The following PDE5A variants were observed in gnomAD, a reference collection of about 807,000 sequenced individuals.
PDE5A encodes cGMP-specific 3',5'-cyclic phosphodiesterase.
In PDE5A, 67 loss-of-function variants were observed where a neutral mutation model predicts 110.2. The ratio of observed to expected loss-of-function variants is 0.61; its 90% confidence interval spans 0.50 to 0.75. PDE5A has a LOEUF of 0.75. PDE5A is among the 30% of genes least tolerant of loss of function. The pLI is 0.00. For missense variants in PDE5A, 862 were observed against 1,045.1 expected, an observed-to-expected ratio of 0.82 and a Z score of 2.42; for synonymous variants, 328 against 351.2, an observed-to-expected ratio of 0.93 and a Z score of 0.74.
In PDE5A at chr4:119,551,322, G is replaced by A. The variant is rs543938019; in HGVS notation, c.1396+1228C>T. The stretch of plus-strand genomic sequence containing the variant: ...GTCAGGGCAACCAGTATATTTGAGA[G>A]GACATGAATAATGCATTCTCTTCCC... On this transcript the variant is annotated intron_variant, in intron 9 of 20. Transcript: ENST00000354960. 3.9e-5 allele frequency among the ~76,000 whole-genome samples: 6 copies of A among 152,272 alleles called. No homozygotes were observed. In the South Asian group the frequency reaches 1.2e-3, roughly 32 times the overall value.
intron 3 of PDE5A, among the ~76,000 whole-genome samples, chr4:119,568,115 C>T (rs1207404429): frequency 6.6e-6 from 1 of 151,674 alleles, no homozygotes; most frequent in African/African-American, 2.4e-5. Context: ...GTTTTCTAGT[C>T]TTCTTAACAT....
intron 3 of PDE5A, among the ~76,000 whole-genome samples, chr4:119,588,084 G>A (rs898420071): frequency 8.6e-5 from 13 of 151,924 alleles, no homozygotes; most frequent in African/African-American, 3.1e-4. Flanking sequence ...CTTGTGTGTT[G>A]AATATTGGAC....
chr4:119,575,920 G>T (rs1252425644), intron 3 of PDE5A, among the ~76,000 whole-genome samples: 3 of 152,316 alleles, frequency 2.0e-5, no homozygotes, highest in Non-Finnish European at 2.9e-5. Context: ...AGACCCATCA[G>T]TGTGCTGTAT....
intron 1 of PDE5A, among the ~76,000 whole-genome samples, chr4:119,622,637 G>A (rs1357776502): frequency 6.6e-6 from 1 of 152,024 alleles, no homozygotes; most frequent in Non-Finnish European, 1.5e-5. Flanking sequence ...ACTTTGAGAG[G>A]CCGAGGTGGG....
rs1725128861 is a variant in PDE5A, at chr4:119,497,742, A to G, written c.*859T>C. The stretch of plus-strand genomic sequence containing the variant: ...TGCTACAATTGTCACTTTTATTTTG[A>G]AAAGGAAGCTCAGAAGGAAAAAAAC... On this transcript the variant is annotated 3_prime_UTR_variant, in exon 21 of 21. Transcript: ENST00000354960. The G allele has an allele frequency of 6.6e-6, 1 of 152,168 alleles. No individual in the cohort carries two copies. Among genetic ancestry groups the G allele is most frequent in the African/African-American group, 2.4e-5 (1 of 41,452 alleles). 9.4% of individuals were successfully genotyped at this position (152,168 alleles called of 1,614,324 possible).
chr4:119,576,827 T>G (rs1333858513), intron 3 of PDE5A, among the ~76,000 whole-genome samples: 1 of 151,680 alleles, frequency 6.6e-6, no homozygotes, highest in Non-Finnish European at 1.5e-5. Flanking sequence ...AGGCAAGAAA[T>G]AACTAAAATC....
rs201241993 is a variant in PDE5A, at chr4:119,596,599, T to C, written c.755A>G (p.Asn252Ser). Residue 252 changes from asparagine (N) to serine (S), a missense_variant, in exon 3 of 21, where the codon AAT (asparagine) becomes AGT (serine). By Grantham distance (46) the Asn-to-Ser change is conservative (BLOSUM62 1). Coordinates refer to ENST00000354960, the MANE Select transcript of PDE5A (RefSeq NM_001083.4). ...GCCTGTAATTTGGTCAACTTCTGCA[T>C]TGAACCGAGGATCCTAGTATGGAAA... is the stretch of plus-strand genomic sequence containing the variant. The part of the protein sequence containing the change: ...IKDAYEDPRF[N>S]AEVDQITGYK... 7 of 1,585,820 alleles carry C rather than the reference T, an allele frequency of 4.4e-6. No homozygotes were observed. The South Asian group carries it at 8.1e-5, about 18-fold the overall frequency.
chr4:119,553,593 G>A lies in PDE5A; in HGVS notation c.1308+45C>T, dbSNP rs189520684. On this transcript the variant is annotated intron_variant, in intron 8 of 20. Transcript: ENST00000354960. Reference sequence around the variant, plus strand: ...GAATAACTGTAAGTACAGATGTGATGGGAAAACAGCCTTCTAGCTTCAAGT... The same window carrying A: ...GAATAACTGTAAGTACAGATGTGATAGGAAAACAGCCTTCTAGCTTCAAGT... 700 of 926,278 alleles carry A rather than the reference G, an allele frequency of 7.6e-4. 2 individuals carry two copies. In the African/African-American group the frequency reaches 9.9e-3, roughly 13 times the overall value. 57.4% of individuals were successfully genotyped at this position (926,278 alleles called of 1,614,324 possible).
rs2110573756 is a variant in PDE5A, at chr4:119,627,467, G to A, written c.152+1053C>T. ...ACTGCCGGGCGTGTGTCACCCTCCCGGCCAAGACGGCCAGCACCCGCTGCC... is the reference window on the plus strand; with the variant it reads ...ACTGCCGGGCGTGTGTCACCCTCCCAGCCAAGACGGCCAGCACCCGCTGCC... On this transcript the variant is annotated intron_variant, in intron 1 of 20. Coordinates refer to ENST00000354960, the MANE Select transcript of PDE5A (RefSeq NM_001083.4). This position sits in a 1 kb window ranked among gnomAD's most constrained non-coding sequence, Gnocchi z 4.6. 5.1e-6 allele frequency: 1 copy of A among 195,240 alleles called. No individual in the cohort carries two copies. Among genetic ancestry groups the A allele is most frequent in the Non-Finnish European group, 9.3e-6 (1 of 107,370 alleles). 12.1% of individuals were successfully genotyped at this position (195,240 alleles called of 1,614,324 possible).
chr4:119,504,276 A>G lies in PDE5A; in HGVS notation c.2331+260T>C, dbSNP rs116088787. Among the ~76,000 whole-genome samples, 1,161 of 152,256 alleles carry G rather than the reference A, an allele frequency of 7.6e-3. 11 individuals carry two copies. Among genetic ancestry groups the G allele is most frequent in the African/African-American group, 0.026 (1,091 of 41,560 alleles). On this transcript the variant is annotated intron_variant, in intron 18 of 20. Coordinates refer to ENST00000354960, the MANE Select transcript of PDE5A (RefSeq NM_001083.4). ...CTCCAATCATGTTGCTGCAAAGGAC[A>G]TGACTTGATTCTTTTTATGCCTGCA...
rs1213973916 is a variant in PDE5A at position 119,627,298 on chromosome 4, G to C, written c.152+1222C>G. On this transcript the variant is annotated intron_variant, in intron 1 of 20. Transcript: ENST00000354960. The surrounding 1 kb of genome is among the most constrained non-coding windows in gnomAD (Gnocchi z 4.6). ...GGCGACTCAGAACCAGCTCCCTCAC[G>C]GCCCCGGCCTCCGCGCCGCCGCCCG... 12 of 1,332,412 alleles carry C rather than the reference G, an allele frequency of 9.0e-6. No homozygotes were observed. The Admixed American group carries it at 2.9e-4, about 32-fold the overall frequency. The allele number at this position is 1,332,412 out of a possible 1,614,324, so 82.5% of individuals were successfully genotyped here. A position where few individuals can be genotyped will look rare whatever the true frequency, so the allele number is the denominator to read the frequency against.
At chr4:119,535,175 T>G (rs1169797195) in intron 11 of PDE5A, among the ~76,000 whole-genome samples, 1 of 152,064 alleles carries the variant, frequency 6.6e-6, no homozygotes, top group Non-Finnish European at 1.5e-5. Flanking sequence ...CAGAAAGAGT[T>G]GTAGCAGCTG....
Position 119,559,872 on chromosome 4 carries a change from A to G in PDE5A, c.1199+424T>C, listed in dbSNP as rs116650379. On this transcript the variant is annotated intron_variant, in intron 7 of 20. Coordinates refer to ENST00000354960, the MANE Select transcript of PDE5A (RefSeq NM_001083.4). Reference sequence around the variant, plus strand: ...AGAAAACTCTCTGGTTAGACAATCCATGGTTTATCTCCCTTGACTACTCAC... The same window carrying G: ...AGAAAACTCTCTGGTTAGACAATCCGTGGTTTATCTCCCTTGACTACTCAC... Among the ~76,000 whole-genome samples, 1,174 of 152,286 alleles carry G rather than the reference A, an allele frequency of 7.7e-3. 20 individuals carry two copies. The highest frequency in any genetic ancestry group is 0.027 in the African/African-American group (1,113 of 41,558).
chr4:119,535,121 C>A (rs1299104382), intron 11 of PDE5A, among the ~76,000 whole-genome samples: 1 of 152,096 alleles, frequency 6.6e-6, no homozygotes, highest in Middle Eastern at 3.2e-3. Context: ...GCACTCTGAC[C>A]CAGATATCCA....
chr4:119,516,022 T>C (rs149952890), intron 14 of PDE5A, among the ~76,000 whole-genome samples: 1 of 152,332 alleles, frequency 6.6e-6, no homozygotes, highest in African/African-American at 2.4e-5. Context: ...AGTGTGAACC[T>C]TCTAACTCTA....
chr4:119,537,870 T>C (rs1036570196), intron 11 of PDE5A, among the ~76,000 whole-genome samples: 1 of 151,954 alleles, frequency 6.6e-6, no homozygotes, highest in Admixed American at 6.6e-5. Context: ...TATTCAAAAA[T>C]TATAATGTTT....
chr4:119,566,039 A>G (rs961391586), intron 4 of PDE5A, among the ~76,000 whole-genome samples: 2 of 151,242 alleles, frequency 1.3e-5, no homozygotes, highest in Non-Finnish European at 2.9e-5. Context: ...CTTATCCACA[A>G]TGTGATAGAG....
rs759526648 is a variant in PDE5A at position 119,498,597 on chromosome 4, C to CCA, written c.*2_*3dup. The CCA allele has an allele frequency of 6.2e-7, 1 of 1,613,868 alleles. No individual in the cohort carries two copies. Among genetic ancestry groups the CCA allele is most frequent in the South Asian group, 1.1e-5 (1 of 91,074 alleles). Reference sequence around the variant, plus strand: ...AAACTTCAACTCTGCATGAAATAGGCCACTCAGTTCCGCTTGGCCTGGCCG... The same window carrying CCA: ...AAACTTCAACTCTGCATGAAATAGGCCACACTCAGTTCCGCTTGGCCTGGCCG... On this transcript the variant is annotated 3_prime_UTR_variant, in exon 21 of 21. Transcript: ENST00000354960.
Position 119,628,682 on chromosome 4 carries a change from G to A in PDE5A, c.-11C>T, listed in dbSNP as rs1172239563. 1.9e-6 allele frequency: 3 copies of A among 1,610,606 alleles called. No individual in the cohort carries two copies. The highest frequency in any genetic ancestry group is 1.7e-6 in the Non-Finnish European group (2 of 1,179,760). On this transcript the variant is annotated 5_prime_UTR_variant, in exon 1 of 21. Transcript: ENST00000354960. ...GCCGGCCCGCTCCATGGTTGGCACC[G>A]CGCGCCTCGGAGGCTCTCTGGTACT...
Sources: allele counts gnomAD v4.1 joint callset (sites outside exome capture counted in the v4.1 genomes callset), GRCh38; gene constraint gnomAD v4.1.1; non-coding constraint Gnocchi (gnomAD v3.1); transcripts MANE v1.5; gene names NCBI Gene and HGNC (gene_info 2026-07-23, HGNC 2026-07-21).